EFCAB6: variants seen among roughly 807,000 people sequenced by gnomAD.
EFCAB6 encodes EF-hand calcium binding domain 6, also known as EF-hand calcium-binding domain-containing protein 6.
EFCAB6 carries 156 observed loss-of-function variants against 169.8 expected under a neutral mutation model. The observed-to-expected ratio is 0.92, with a 90% CI of 0.81 to 1.05. The LOEUF (loss-of-function observed/expected upper bound fraction) is 1.05, where lower values mean the gene tolerates loss of function less well. Among genes scored for constraint, EFCAB6 ranks in the 50% least tolerant of loss-of-function variants. The pLI is 0.00. For synonymous variants in EFCAB6, 698 were observed against 676.4 expected, an observed-to-expected ratio of 1.03 and a Z score of -0.50; for missense variants, 1,800 against 1,829.1, an observed-to-expected ratio of 0.98 and a Z score of 0.29.
intron 21 of EFCAB6, among the ~76,000 whole-genome samples, chr22:43,612,395 C>G (rs1016453659): frequency 1.3e-5 from 2 of 152,132 alleles, no homozygotes; most frequent in Non-Finnish European, 2.9e-5. Context: ...AACTATGCAT[C>G]TAACAAAGGT....
At chr22:43,717,076 G>A in intron 8 of EFCAB6, 104 bp from the exon 9 acceptor site, 1 of 1,328,538 alleles carries the variant, frequency 7.5e-7, no homozygotes, top group South Asian at 2.2e-5. Flanking sequence ...AGGAAGGCTT[G>A]AATAAACCAA....
chr22:43,602,013 G>A (rs942491849), intron 22 of EFCAB6, among the ~76,000 whole-genome samples: 7 of 152,234 alleles, frequency 4.6e-5, no homozygotes, highest in Admixed American at 1.3e-4. Flanking sequence ...GACGTCCTCC[G>A]CTACTTTGCA....
intron 2 of EFCAB6, among the ~76,000 whole-genome samples, chr22:43,784,541 G>GTGTGTATATA (rs1556409935): frequency 2.5e-5 from 2 of 79,706 alleles, no homozygotes; most frequent in Non-Finnish European, 4.8e-5. Context: ...GTGTGTGTGT[G>GTGTGTATATA]TGTATATGTA....
chr22:43,664,781 A>G (rs965672696), intron 17 of EFCAB6, among the ~76,000 whole-genome samples: 2 of 152,274 alleles, frequency 1.3e-5, no homozygotes, highest in South Asian at 4.1e-4. Flanking sequence ...TGGTTGGACC[A>G]TGCAGGGTCT....
rs56287650 is a variant in EFCAB6, at chr22:43,593,066, T to TAAA, written c.2877-2840_2877-2838dup. Among the ~76,000 whole-genome samples, 382 of 145,080 alleles carry TAAA rather than the reference T, an allele frequency of 2.6e-3. 1 individual carries two copies. Among genetic ancestry groups the TAAA allele is most frequent in the South Asian group, 8.5e-3 (39 of 4,574 alleles). ...CAGAGTGTCAGTATAGAGGAGGAGG[T>TAAA]AAAAAAAAAAAATCCTGAAAACATT... On this transcript the variant is annotated intron_variant, in intron 23 of 31. Transcript: ENST00000262726.
intron 17 of EFCAB6, among the ~76,000 whole-genome samples, chr22:43,661,789 G>A (rs955084292): frequency 3.3e-5 from 5 of 152,172 alleles, no homozygotes; most frequent in African/African-American, 9.7e-5. Context: ...GGAAAGAGGG[G>A]AGAAGACAAA....
rs555962052 is a variant in EFCAB6 at position 43,646,350 on chromosome 22, C to T, written c.1984-11134G>A. ...AATGTAATGTAAGTCCAGTTATGAT[C>T]CCAGTAATGCATCTGAGGGGTAATT... On this transcript the variant is annotated intron_variant, in intron 17 of 31. Transcript: ENST00000262726. 2.6e-4 allele frequency among the ~76,000 whole-genome samples: 39 copies of T among 152,264 alleles called. 1 individual carries two copies. The South Asian group carries it at 8.1e-3, about 32-fold the overall frequency.
chr22:43,632,078 G>A (rs1231399264), intron 19 of EFCAB6, 27 bp downstream of exon 19: 2 of 1,610,990 alleles, frequency 1.2e-6, no homozygotes, highest in African/African-American at 1.3e-5. Flanking sequence ...GCCTAGAGAA[G>A]CCCAGCGCCA....
At chr22:43,660,714 C>T (rs1009682393) in intron 17 of EFCAB6, among the ~76,000 whole-genome samples, 1 of 152,164 alleles carries the variant, frequency 6.6e-6, no homozygotes, top group African/African-American at 2.4e-5. Flanking sequence ...AAGCACCTTG[C>T]CCTTCATGCC....
chr22:43,790,867 A>C (rs536397328), intron 2 of EFCAB6, among the ~76,000 whole-genome samples: 2 of 152,354 alleles, frequency 1.3e-5, no homozygotes, highest in East Asian at 3.9e-4. Flanking sequence ...TTCCAGCCAC[A>C]TTCTGAAGGA....
intron 5 of EFCAB6, among the ~76,000 whole-genome samples, chr22:43,762,505 C>G (rs1286347382): frequency 1.3e-5 from 2 of 152,118 alleles, no homozygotes; most frequent in East Asian, 3.8e-4. Flanking sequence ...TTAAAATGTA[C>G]GTACATATTT....
intron 6 of EFCAB6, among the ~76,000 whole-genome samples, chr22:43,741,663 C>T (rs1201204979): frequency 2.0e-5 from 3 of 152,208 alleles, no homozygotes; most frequent in East Asian, 3.9e-4. Flanking sequence ...AGTGCCCAGA[C>T]GCAGCGGATG....
intron 26 of EFCAB6, among the ~76,000 whole-genome samples, chr22:43,562,064 GCAAA>G (rs1379145587): frequency 2.6e-5 from 4 of 152,282 alleles, no homozygotes; most frequent in African/African-American, 7.2e-5. Flanking sequence ...AGTTCAACAA[GCAAA>G]CAAACAAACA....
chr22:43,565,993 A>G (rs2049397195), intron 26 of EFCAB6, among the ~76,000 whole-genome samples: 1 of 143,818 alleles, frequency 7.0e-6, no homozygotes, highest in Admixed American at 7.3e-5. Context: ...AAATAACAAC[A>G]GCAGGAAAAC....
Position 43,765,733 on chromosome 22 carries a change from C to T in EFCAB6, c.352-340G>A, listed in dbSNP as rs145546817. On this transcript the variant is annotated intron_variant, in intron 4 of 31. Transcript: ENST00000262726. ...TTACACATATAATACATATTAGAAG[C>T]TGAGGCCATAGCACAATTTTATACT... Among the ~76,000 whole-genome samples the T allele has an allele frequency of 4.3e-4, 65 of 152,206 alleles. 1 individual carries two copies. In the Middle Eastern group the frequency reaches 0.02, roughly 48 times the overall value.
intron 19 of EFCAB6, 116 bp downstream of exon 19, chr22:43,631,989 T>C: frequency 7.0e-7 from 1 of 1,421,122 alleles, no homozygotes; most frequent in Non-Finnish European, 9.4e-7. Context: ...GGAAATGCTC[T>C]GTGTCCCTTG....
At chr22:43,788,660 T>C (rs1369531812) in intron 2 of EFCAB6, among the ~76,000 whole-genome samples, 2 of 152,202 alleles carry the variant, frequency 1.3e-5, no homozygotes, top group Non-Finnish European at 1.5e-5. Flanking sequence ...TGCTTTGGAA[T>C]AGAATTTGAG....
chr22:43,671,933 A>G, intron 15 of EFCAB6, 40 bp downstream of exon 15: 1 of 1,606,518 alleles, frequency 6.2e-7, no homozygotes, highest in Middle Eastern at 1.7e-4. Flanking sequence ...AGGCCTGATG[A>G]AAAACACGAC....
At chr22:43,755,071 A>G (rs1027306883) in intron 6 of EFCAB6, among the ~76,000 whole-genome samples, 1 of 152,366 alleles carries the variant, frequency 6.6e-6, no homozygotes, top group East Asian at 1.9e-4. Flanking sequence ...AGTATGAAAT[A>G]TATGAGTCTC....
Sources: allele counts gnomAD v4.1 joint callset (sites outside exome capture counted in the v4.1 genomes callset), GRCh38; gene constraint gnomAD v4.1.1; transcripts MANE v1.5; gene names NCBI Gene and HGNC (gene_info 2026-07-23, HGNC 2026-07-21).